Variants in DOCK7 observed in about 807,000 individuals in gnomAD.
DOCK7 encodes dedicator of cytokinesis 7, also known as dedicator of cytokinesis protein 7.
A neutral mutation model predicts 271.0 loss-of-function variants in DOCK7; 138 were observed. That is an observed-to-expected ratio of 0.51 (90% CI 0.44 to 0.59). DOCK7 has a LOEUF of 0.59. Ranked by LOEUF, DOCK7 falls within the 20% of genes least tolerant of loss-of-function variation. The pLI is 0.00. For synonymous variants in DOCK7, 823 were observed against 876.1 expected, an observed-to-expected ratio of 0.94 and a Z score of 1.07; for missense variants, 2,066 against 2,592.4, an observed-to-expected ratio of 0.80 and a Z score of 4.41.
intron 16 of DOCK7, among the ~76,000 whole-genome samples, chr1:62,579,695 GAA>G (rs34924913): frequency 3.6e-3 from 228 of 63,906 alleles, no homozygotes; most frequent in East Asian, 0.015. Context: ...GAGTGAGACC[GAA>G]AAAAAAAAAA....
At chr1:62,623,631 T>C (rs769939893) in intron 12 of DOCK7, among the ~76,000 whole-genome samples, 2 of 152,134 alleles carry the variant, frequency 1.3e-5, no homozygotes, top group East Asian at 1.9e-4. Context: ...GCTGAAGAAG[T>C]AGAAAGAGGG....
rs1222799461 is a variant in DOCK7, at chr1:62,542,715, T to C, written c.2950-12A>G. 1 of 1,609,196 alleles carries C rather than the reference T, an allele frequency of 6.2e-7. No individual in the cohort carries two copies. Among genetic ancestry groups the C allele is most frequent in the South Asian group, 1.1e-5 (1 of 90,044 alleles). ...TCCTCGTGAAAAAGCTATCCAGAAGTAAATCCAAAGTTATTATCAAAGTCA... is the reference window on the plus strand; with the variant it reads ...TCCTCGTGAAAAAGCTATCCAGAAGCAAATCCAAAGTTATTATCAAAGTCA... On this transcript the variant is annotated splice_polypyrimidine_tract_variant and intron_variant, in intron 24 of 49. Transcript: ENST00000635253.
intron 12 of DOCK7, among the ~76,000 whole-genome samples, chr1:62,620,433 A>T (rs1166953047): frequency 6.6e-6 from 1 of 152,006 alleles, no homozygotes; most frequent in Non-Finnish European, 1.5e-5. Flanking sequence ...AAATTAAATT[A>T]AAATTATGAT....
intron 14 of DOCK7, chr1:62,597,487 ATATATAGAGT>A: frequency 6.8e-7 from 1 of 1,476,944 alleles, no homozygotes; most frequent in Non-Finnish European, 9.3e-7. Flanking sequence ...AAATATTGGT[ATATATAGAGT>A]TAAGAAGTCT....
chr1:62,521,611 G>C (rs1644853190), intron 31 of DOCK7, among the ~76,000 whole-genome samples: 1 of 152,000 alleles, frequency 6.6e-6, no homozygotes, highest in Non-Finnish European at 1.5e-5. Flanking sequence ...AATTATACAA[G>C]GTATTTTTGA....
intron 14 of DOCK7, chr1:62,602,317 G>A (rs773045547): frequency 1.9e-6 from 3 of 1,610,724 alleles, no homozygotes; most frequent in Non-Finnish European, 2.5e-6. Context: ...ACATCGAATA[G>A]ATGGATCACA....
intron 3 of DOCK7, 75 bp downstream of exon 3, chr1:62,653,909 G>C: frequency 6.5e-7 from 1 of 1,532,114 alleles, no homozygotes. Flanking sequence ...ATAAGAAGTA[G>C]GCTCTAAATA....
rs140858870 is a variant in DOCK7 at position 62,607,582 on chromosome 1, A to C, written c.1682+11124T>G. On this transcript the variant is annotated intron_variant, in intron 14 of 49. Coordinates refer to ENST00000635253, the MANE Select transcript of DOCK7 (RefSeq NM_001367561.1). Reference sequence around the variant, plus strand: ...CCGAAAAGGAATTTGTAATGGCTGCATACTGCCTGGACCTGTGTCTTTCAA... The same window carrying C: ...CCGAAAAGGAATTTGTAATGGCTGCCTACTGCCTGGACCTGTGTCTTTCAA... 4.3e-3 allele frequency among the ~76,000 whole-genome samples: 653 copies of C among 152,330 alleles called. 2 individuals are homozygous for C. Among genetic ancestry groups the C allele is most frequent in the Middle Eastern group, 0.017 (5 of 294 alleles).
At chr1:62,498,370 C>T (rs929835862) in intron 37 of DOCK7, among the ~76,000 whole-genome samples, 7 of 152,126 alleles carry the variant, frequency 4.6e-5, no homozygotes, top group African/African-American at 1.7e-4. Flanking sequence ...GGTAATTCTT[C>T]ATTCTTACTT....
intron 14 of DOCK7, among the ~76,000 whole-genome samples, chr1:62,610,262 T>G (rs1466666859): frequency 2.0e-5 from 3 of 151,944 alleles, no homozygotes; most frequent in East Asian, 3.9e-4. Context: ...GCTTGAGACA[T>G]CTATGAACTC....
intron 7 of DOCK7, among the ~76,000 whole-genome samples, chr1:62,640,889 C>A (rs1223130396): frequency 6.6e-6 from 1 of 152,210 alleles, no homozygotes; most frequent in Non-Finnish European, 1.5e-5. Context: ...AAAATTCTTT[C>A]ATGAACAAGT....
chr1:62,534,789 T>C (rs1406297602), intron 29 of DOCK7, among the ~76,000 whole-genome samples: 6 of 152,072 alleles, frequency 3.9e-5, no homozygotes, highest in Admixed American at 1.3e-4. Context: ...CTACATAGTA[T>C]GATGGCAAAT....
At chr1:62,647,440 T>C (rs751239834) in intron 7 of DOCK7, among the ~76,000 whole-genome samples, 4 of 152,210 alleles carry the variant, frequency 2.6e-5, no homozygotes, top group East Asian at 1.9e-4. Context: ...TAAAATGATA[T>C]ACAGAATTTA....
intron 22 of DOCK7, among the ~76,000 whole-genome samples, chr1:62,547,070 T>C (rs1394926088): frequency 1.3e-5 from 2 of 152,272 alleles, no homozygotes; most frequent in East Asian, 3.9e-4. Context: ...CTTAACTTAC[T>C]GTTTAATAAT....
chr1:62,536,938 C>T (rs1259598950), intron 28 of DOCK7, among the ~76,000 whole-genome samples: 4 of 152,170 alleles, frequency 2.6e-5, no homozygotes, highest in African/African-American at 4.8e-5. Flanking sequence ...GCTACAATAA[C>T]ACTTTTTCAT....
chr1:62,480,839 C>G (rs534809871), intron 43 of DOCK7, among the ~76,000 whole-genome samples: 1 of 152,098 alleles, frequency 6.6e-6, no homozygotes, highest in Non-Finnish European at 1.5e-5. Flanking sequence ...GAAACCCTGT[C>G]TCTACTAAAA....
chr1:62,626,515 T>C (rs754074183), intron 11 of DOCK7, among the ~76,000 whole-genome samples: 1 of 151,518 alleles, frequency 6.6e-6, no homozygotes, highest in East Asian at 1.9e-4. Flanking sequence ...AGACTCAAAT[T>C]ACTAAAATCA....
At chr1:62,604,508 C>G in intron 14 of DOCK7, 2 of 1,047,480 alleles carry the variant, frequency 1.9e-6, no homozygotes, top group Non-Finnish European at 2.9e-6. Flanking sequence ...TTATTTAAAA[C>G]TGGGATACAT....
intron 25 of DOCK7, among the ~76,000 whole-genome samples, chr1:62,541,061 T>A (rs1645513086): frequency 6.6e-6 from 1 of 151,930 alleles, no homozygotes; most frequent in Non-Finnish European, 1.5e-5. Flanking sequence ...CTCTGGAAGA[T>A]CCTTTTCTCT....
Sources: gnomAD v4.1 joint callset for allele counts (sites outside exome capture counted in the v4.1 genomes callset) on GRCh38, gnomAD v4.1.1 for gene constraint, MANE v1.5 for transcripts, NCBI Gene and HGNC (gene_info 2026-07-23, HGNC 2026-07-21) for gene names.